The following LEKR1 variants were observed in gnomAD, a reference collection of about 807,000 sequenced individuals.
The protein encoded by LEKR1 is leucine, glutamate and lysine rich 1.
Under a neutral mutation model 72.4 loss-of-function variants are expected in LEKR1, and 59 were observed. The ratio of observed to expected loss-of-function variants is 0.82; its 90% CI spans 0.66 to 1.01. The LOEUF (loss-of-function observed/expected upper bound fraction) is 1.01, where lower values mean the gene tolerates loss of function less well. Ranked by LOEUF, LEKR1 falls within the 50% of genes least tolerant of loss-of-function variation. The pLI, the probability that LEKR1 is intolerant of heterozygous loss-of-function variation, is 0.00. For synonymous variants in LEKR1, 257 were observed against 263.2 expected (o/e 0.98, Z 0.23); for missense variants, 728 against 759.2 (o/e 0.96, Z 0.48).
chr3:156,902,320 G>A (rs973560092), intron 3 of LEKR1, among the ~76,000 whole-genome samples: 1 of 152,020 alleles, frequency 6.6e-6, no homozygotes, highest in African/African-American at 2.4e-5. Context: ...TTAATTTTTA[G>A]GAATCAGTCT....
chr3:156,888,568 C>T (rs1720340750), intron 3 of LEKR1: 1 of 528,330 alleles, frequency 1.9e-6, no homozygotes. Context: ...GATTTGGGAG[C>T]TGCTTATATG....
At chr3:156,982,826 T>C (rs565593725) in intron 7 of LEKR1, among the ~76,000 whole-genome samples, 40 of 149,906 alleles carry the variant, frequency 2.7e-4, no homozygotes, top group African/African-American at 9.7e-4. Context: ...ATTACTTTCA[T>C]ATATATATGA....
intron 3 of LEKR1, among the ~76,000 whole-genome samples, chr3:156,902,826 CTTGAT>C (rs1194135837): frequency 6.6e-6 from 1 of 151,724 alleles, no homozygotes; most frequent in Non-Finnish European, 1.5e-5. Flanking sequence ...TAGCGAAATG[CTTGAT>C]TTATTTTTAT....
intron 5 of LEKR1, among the ~76,000 whole-genome samples, chr3:156,937,381 C>T (rs1171674278): frequency 1.3e-5 from 2 of 151,996 alleles, no homozygotes; most frequent in Non-Finnish European, 2.9e-5. Context: ...AGAAATTTAA[C>T]CGAAGATGAT....
intron 12 of LEKR1, among the ~76,000 whole-genome samples, chr3:157,034,433 T>C (rs1394400323): frequency 6.6e-6 from 1 of 152,166 alleles, no homozygotes; most frequent in East Asian, 1.9e-4. Flanking sequence ...TTTGAAGGTT[T>C]AAAACTTCAG....
intron 6 of LEKR1, among the ~76,000 whole-genome samples, chr3:156,966,819 C>A (rs1186346492): frequency 1.3e-5 from 2 of 152,206 alleles, no homozygotes; most frequent in African/African-American, 4.8e-5. Context: ...TGAGAATGGA[C>A]AGACTGCCTC....
At chr3:157,011,934 C>T (rs1019604373) in intron 10 of LEKR1, among the ~76,000 whole-genome samples, 1 of 151,854 alleles carries the variant, frequency 6.6e-6, no homozygotes, top group Non-Finnish European at 1.5e-5. Flanking sequence ...CATATATACC[C>T]TGACAAAGTA....
chr3:156,933,091 G>A (rs1325522273), intron 5 of LEKR1, among the ~76,000 whole-genome samples: 1 of 152,092 alleles, frequency 6.6e-6, no homozygotes, highest in Admixed American at 6.6e-5. Flanking sequence ...CTAGTCGCTA[G>A]TCATATTCTT....
chr3:157,022,872 C>A (rs1262162506), intron 10 of LEKR1, among the ~76,000 whole-genome samples: 1 of 152,130 alleles, frequency 6.6e-6, no homozygotes, highest in East Asian at 1.9e-4. Flanking sequence ...CCCAAACAAT[C>A]CAGAAGTTTA....
intron 3 of LEKR1, among the ~76,000 whole-genome samples, chr3:156,880,290 G>A (rs1233720623): frequency 6.6e-6 from 1 of 152,168 alleles, no homozygotes; most frequent in Non-Finnish European, 1.5e-5. Flanking sequence ...AGATAATTTT[G>A]GAGCTTTAAG....
At chr3:156,947,061 A>G (rs1379113150) in intron 6 of LEKR1, among the ~76,000 whole-genome samples, 1 of 150,346 alleles carries the variant, frequency 6.7e-6, no homozygotes, top group African/African-American at 2.4e-5. Context: ...TCTTTTCAGG[A>G]GACCAACTTT....
intron 3 of LEKR1, among the ~76,000 whole-genome samples, chr3:156,870,631 A>G (rs1717815120): frequency 6.6e-6 from 1 of 152,012 alleles, no homozygotes; most frequent in Non-Finnish European, 1.5e-5. Flanking sequence ...AGCAAAGAGG[A>G]CAATTTGACT....
At chr3:156,880,369 C>T (rs1002630516) in intron 3 of LEKR1, among the ~76,000 whole-genome samples, 3 of 152,214 alleles carry the variant, frequency 2.0e-5, no homozygotes, top group African/African-American at 7.2e-5. Flanking sequence ...ATACTACAAA[C>T]ACCTCTACAC....
At chr3:156,850,196 T>C (rs1715181188) in intron 2 of LEKR1, among the ~76,000 whole-genome samples, 1 of 151,854 alleles carries the variant, frequency 6.6e-6, no homozygotes, top group Non-Finnish European at 1.5e-5. Context: ...AATGCAAATA[T>C]CTATGTTATA....
intron 6 of LEKR1, among the ~76,000 whole-genome samples, chr3:156,947,131 G>A (rs1393867096): frequency 6.6e-6 from 1 of 150,670 alleles, no homozygotes; most frequent in Non-Finnish European, 1.5e-5. Context: ...TTTTTGCTCT[G>A]ATCTTTATTT....
rs138556812 is a variant in LEKR1, at chr3:157,012,457, A to C, written c.1203+951A>C. On this transcript the variant is annotated intron_variant, in intron 10 of 12. Transcript: ENST00000356539. ...ATAACTTGTAACCTCAGCAACAAGC[A>C]GTGGCCTCCTTCAAACTAACATCTC... 2.5e-3 allele frequency among the ~76,000 whole-genome samples: 382 copies of C among 152,314 alleles called. 4 individuals are homozygous for C. The highest frequency in any genetic ancestry group is 8.7e-3 in the African/African-American group (360 of 41,580).
At chr3:156,979,308 G>A (rs6780427) in intron 7 of LEKR1, 33 bp downstream of exon 7, 577,715 of 983,324 alleles carry the variant, frequency 0.59, 170,091 homozygotes, top group East Asian at 0.74. Context: ...ACTTATAACA[G>A]TGCTCTGTAG....
At chr3:156,963,968 G>A (rs1039992809) in intron 6 of LEKR1, among the ~76,000 whole-genome samples, 1 of 152,174 alleles carries the variant, frequency 6.6e-6, no homozygotes, top group African/African-American at 2.4e-5. Flanking sequence ...TTTTATGTGG[G>A]GAAGGCAGAA....
chr3:156,832,347 A>G (rs1712530212), intron 2 of LEKR1, among the ~76,000 whole-genome samples: 1 of 152,220 alleles, frequency 6.6e-6, no homozygotes, highest in Non-Finnish European at 1.5e-5. Flanking sequence ...AACATAGTGG[A>G]TAAGGCTGGA....
Sources: gnomAD v4.1 joint callset for allele counts (sites outside exome capture counted in the v4.1 genomes callset) on GRCh38, gnomAD v4.1.1 for gene constraint, MANE v1.5 for transcripts, NCBI Gene and HGNC (gene_info 2026-07-23, HGNC 2026-07-21) for gene names.